The following UNC80 variants were observed in gnomAD, a reference collection of about 807,000 sequenced individuals.
UNC80 encodes the protein unc-80 subunit of NALCN channel complex.
Under a neutral mutation model 384.6 loss-of-function variants are expected in UNC80, and 164 were observed. The ratio of observed to expected loss-of-function variants is 0.43; its 90% CI spans 0.38 to 0.49. The LOEUF is 0.49. UNC80 is among the 20% of genes least tolerant of loss of function. The pLI, the probability that UNC80 is intolerant of heterozygous loss-of-function variation, is 0.00. For synonymous variants in UNC80, 1,486 were observed against 1,527.8 expected (o/e 0.97, Z 0.64); for missense variants, 3,330 against 4,143.0 (o/e 0.80, Z 5.39).
At chr2:209,791,637 G>A (rs1040582011) in intron 6 of UNC80, among the ~76,000 whole-genome samples, 4 of 151,642 alleles carry the variant, frequency 2.6e-5, no homozygotes, top group Non-Finnish European at 5.9e-5. Flanking sequence ...TGGCTAACAC[G>A]GTGAAACCCT....
intron 47 of UNC80, among the ~76,000 whole-genome samples, chr2:209,946,382 A>AT (rs1330593018): frequency 1.3e-5 from 2 of 150,792 alleles, no homozygotes; most frequent in Non-Finnish European, 3.0e-5. Context: ...AAAAAAAAAA[A>AT]GAAAGAAAGA....
intron 22 of UNC80, among the ~76,000 whole-genome samples, chr2:209,855,072 A>G (rs1217203394): frequency 6.6e-6 from 1 of 152,238 alleles, no homozygotes; most frequent in Non-Finnish European, 1.5e-5. Context: ...TAGACCGGAT[A>G]AAGAAAATGT....
intron 7 of UNC80, chr2:209,809,222 A>C: frequency 1.5e-6 from 1 of 685,698 alleles, no homozygotes; most frequent in East Asian, 2.7e-5. Flanking sequence ...TCTGAGGCCA[A>C]GGATTCCCAG....
intron 9 of UNC80, among the ~76,000 whole-genome samples, chr2:209,815,691 G>A (rs1273951575): frequency 6.6e-6 from 1 of 152,260 alleles, no homozygotes; most frequent in African/African-American, 2.4e-5. Context: ...AACGATGATG[G>A]TAACTTTCAA....
intron 60 of UNC80, 55 bp from the exon 61 acceptor site, chr2:209,984,801 T>C: frequency 1.1e-6 from 1 of 876,346 alleles, no homozygotes. Flanking sequence ...TTCTTTTTTC[T>C]TTTTTTTTTT....
rs1210166392 is a variant in UNC80, at chr2:209,997,820, AAATGTGTTGAATGT to A, written c.*2240_*2253del. The A allele has an allele frequency of 1.3e-5, 2 of 152,194 alleles. No individual in the cohort carries two copies. Among genetic ancestry groups the A allele is most frequent in the Admixed American group, 6.5e-5 (1 of 15,278 alleles). The allele number at this position is 152,194 out of a possible 1,614,324, so 9.4% of individuals were successfully genotyped here. A position where few individuals can be genotyped will look rare whatever the true frequency, so the allele number is the denominator to read the frequency against. ...CATCTGTTCCATTTAAGGTGCCCTT[AAATGTGTTGAATGT>A]AATGTGTTGAATGTTTATGTGTAAT... is the stretch of plus-strand genomic sequence containing the variant. On this transcript the variant is annotated 3_prime_UTR_variant, in exon 65 of 65. Coordinates refer to ENST00000673920, the MANE Select transcript of UNC80 (RefSeq NM_001371986.1).
chr2:209,830,845 C>G (rs140604512), intron 15 of UNC80, among the ~76,000 whole-genome samples: 736 of 152,234 alleles, frequency 4.8e-3, no homozygotes, highest in Non-Finnish European at 8.0e-3. Context: ...GGAGGTTTCC[C>G]CTCTCCACCT....
At chr2:209,937,066 A>T in intron 41 of UNC80, 133 bp downstream of exon 41, 1 of 628,174 alleles carries the variant, frequency 1.6e-6, no homozygotes, top group South Asian at 2.0e-5. Context: ...ACACCATCTT[A>T]CTATCAATGG....
At chr2:209,986,978 AAGGCATTAACC>A (rs1361458236) in intron 61 of UNC80, among the ~76,000 whole-genome samples, 1 of 152,204 alleles carries the variant, frequency 6.6e-6, no homozygotes, top group Non-Finnish European at 1.5e-5. Context: ...CTGAAGTAGT[AAGGCATTAACC>A]AGGTAATGAC....
chr2:209,840,029 T>C (rs2081623085), intron 19 of UNC80, among the ~76,000 whole-genome samples: 1 of 152,170 alleles, frequency 6.6e-6, no homozygotes, highest in African/African-American at 2.4e-5. Flanking sequence ...TCAGGTTGAC[T>C]CTTCATTCTA....
At chr2:209,957,767 C>A (rs1162298985) in intron 49 of UNC80, 31 bp downstream of exon 49, 2 of 1,542,200 alleles carry the variant, frequency 1.3e-6, no homozygotes, top group Admixed American at 3.9e-5. Context: ...CTTCTATGGT[C>A]TCTCAATTTC....
intron 38 of UNC80, among the ~76,000 whole-genome samples, chr2:209,933,550 A>T (rs1442286461): frequency 1.2e-5 from 1 of 80,158 alleles, no homozygotes; most frequent in Non-Finnish European, 2.3e-5. Flanking sequence ...CTACCAAGTG[A>T]CATGATGCCT....
intron 61 of UNC80, 128 bp downstream of exon 61, chr2:209,985,040 C>G (rs1192497489): frequency 3.9e-6 from 3 of 776,682 alleles, no homozygotes; most frequent in Non-Finnish European, 5.8e-6. Flanking sequence ...ATTCCTTGCC[C>G]TTTGTTGTTC....
At chr2:209,943,344 T>G in intron 44 of UNC80, 36 bp from the exon 45 acceptor site, 1 of 1,550,056 alleles carries the variant, frequency 6.5e-7, no homozygotes, top group East Asian at 2.4e-5. Flanking sequence ...GATACTTCAT[T>G]AAGGCATTTT....
At chr2:209,779,510 C>G (rs961397884) in intron 4 of UNC80, among the ~76,000 whole-genome samples, 3 of 152,140 alleles carry the variant, frequency 2.0e-5, no homozygotes. Context: ...TTACAAGTAC[C>G]TGGAATTATT....
chr2:209,899,510 G>A (rs995425476), intron 28 of UNC80, among the ~76,000 whole-genome samples: 2 of 152,074 alleles, frequency 1.3e-5, no homozygotes, highest in Admixed American at 1.3e-4. Context: ...AAAAGCACCG[G>A]GGCTCTAGTT....
chr2:209,955,863 C>T (rs770946488), intron 48 of UNC80, among the ~76,000 whole-genome samples: 3 of 151,082 alleles, frequency 2.0e-5, no homozygotes, highest in Non-Finnish European at 3.0e-5. Context: ...CATGCCTCAG[C>T]CTCCCAAAAA....
At chr2:209,812,669 C>G (rs971006660) in intron 7 of UNC80, among the ~76,000 whole-genome samples, 2 of 151,972 alleles carry the variant, frequency 1.3e-5, no homozygotes, top group African/African-American at 4.8e-5. Context: ...CCCGGAAGTT[C>G]TAAGTTTATA....
chr2:209,943,953 G>A (rs1330513782), intron 45 of UNC80, among the ~76,000 whole-genome samples: 3 of 152,188 alleles, frequency 2.0e-5, no homozygotes, highest in Non-Finnish European at 4.4e-5. Context: ...CTGGCTTCCT[G>A]AGCTGGTTAT....
Sources: gnomAD v4.1 joint callset for allele counts (sites outside exome capture counted in the v4.1 genomes callset) on GRCh38, gnomAD v4.1.1 for gene constraint, MANE v1.5 for transcripts, NCBI Gene and HGNC (gene_info 2026-07-23, HGNC 2026-07-21) for gene names.